CCDC148: variants seen among roughly 807,000 people sequenced by gnomAD.
The protein encoded by CCDC148 is coiled-coil domain containing 148.
Under a neutral mutation model 85.7 loss-of-function variants are expected in CCDC148, and 89 were observed. The ratio of observed to expected loss-of-function variants is 1.04; its 90% confidence interval spans 0.87 to 1.24. The LOEUF is 1.24. Among genes scored for constraint, CCDC148 ranks in the 50% most tolerant of loss-of-function variants. The pLI is 0.00. For synonymous variants in CCDC148, 230 were observed against 213.9 expected, an observed-to-expected ratio of 1.08 and a Z score of -0.66; for missense variants, 692 against 671.7, an observed-to-expected ratio of 1.03 and a Z score of -0.33.
Position 158,249,714 on chromosome 2 carries a change from T to C in CCDC148, c.1251+1058A>G, listed in dbSNP as rs560798291. ...AATAAAATGTGGAAAAACTGGCTTA[T>C]AGCTTTAAAATACATAGTTCCTTTA... On this transcript the variant is annotated intron_variant, in intron 10 of 13. Transcript: ENST00000283233. Among the ~76,000 whole-genome samples the C allele has an allele frequency of 2.6e-3, 397 of 152,236 alleles. 5 individuals are homozygous for C. Among genetic ancestry groups the C allele is most frequent in the Non-Finnish European group, 1.4e-3 (98 of 68,000 alleles).
intron 1 of CCDC148, among the ~76,000 whole-genome samples, chr2:158,411,343 A>G (rs1471855097): frequency 6.6e-6 from 1 of 152,002 alleles, no homozygotes; most frequent in Non-Finnish European, 1.5e-5. Context: ...TCACTTGAAA[A>G]TGTCCCATAA....
intron 9 of CCDC148, among the ~76,000 whole-genome samples, chr2:158,301,378 A>G (rs1691434128): frequency 6.6e-6 from 1 of 152,210 alleles, no homozygotes; most frequent in Admixed American, 6.5e-5. Flanking sequence ...AAGAAGTGCA[A>G]ATTTACCACA....
intron 1 of CCDC148, among the ~76,000 whole-genome samples, chr2:158,454,019 G>A (rs1432172324): frequency 6.6e-6 from 1 of 152,148 alleles, no homozygotes; most frequent in Admixed American, 6.5e-5. Flanking sequence ...AGGTAACAGT[G>A]GTTTCATTCC....
intron 11 of CCDC148, among the ~76,000 whole-genome samples, chr2:158,186,319 G>C (rs577681885): frequency 1.3e-5 from 2 of 152,044 alleles, no homozygotes; most frequent in Admixed American, 1.3e-4. Context: ...TCATCACCTA[G>C]AACTGTTCCC....
chr2:158,362,456 T>C (rs1483242928), intron 1 of CCDC148, among the ~76,000 whole-genome samples: 1 of 150,996 alleles, frequency 6.6e-6, no homozygotes, highest in Non-Finnish European at 1.5e-5. Flanking sequence ...AAAGAATGGA[T>C]ATTATAGCAG....
rs191845294 is a variant in CCDC148, at chr2:158,347,474, C to T, written c.148-2156G>A. ...TGAAAAAAAAAAGTCTTAAAAATAA[C>T]AAAAAGATTTAAAGTTCTATCTTTA... On this transcript the variant is annotated intron_variant, in intron 2 of 13. Coordinates refer to ENST00000283233, the MANE Select transcript of CCDC148 (RefSeq NM_138803.4). 2.6e-5 allele frequency among the ~76,000 whole-genome samples: 4 copies of T among 151,580 alleles called. No individual in the cohort carries two copies. The South Asian group carries it at 6.3e-4, about 24-fold the overall frequency.
chr2:158,188,379 A>C (rs537766888), intron 11 of CCDC148, among the ~76,000 whole-genome samples: 1 of 152,118 alleles, frequency 6.6e-6, no homozygotes, highest in African/African-American at 2.4e-5. Context: ...TTAGCTATAA[A>C]CCACTTTATA....
Position 158,340,256 on chromosome 2 carries a change from T to A in CCDC148, c.472A>T (p.Lys158Ter). The A allele has an allele frequency of 3.7e-6, 6 of 1,613,850 alleles. No homozygotes were observed. Among genetic ancestry groups the A allele is most frequent in the Non-Finnish European group, 4.2e-6 (5 of 1,179,906 alleles). ...SHPHIEFNSM[K>*]VLEEVDFVKK... is the part of the protein sequence containing the mutation. ...AACATACTAACCTCTTCCAATACTT[T>A]CATGGAGTTAAACTCAATATGTGGG... Residue 158 changes from lysine (K) to a stop codon, truncating the protein, a stop_gained, in exon 5 of 14, where the codon AAA becomes TAA. Transcript: ENST00000283233. LOFTEE classifies it high-confidence loss of function.
chr2:158,350,104 T>C (rs1205255536), intron 2 of CCDC148, among the ~76,000 whole-genome samples: 1 of 152,180 alleles, frequency 6.6e-6, no homozygotes, highest in Non-Finnish European at 1.5e-5. Context: ...CAGTTGAACG[T>C]GAGCATCTGT....
At chr2:158,368,995 T>C (rs1208053729) in intron 1 of CCDC148, among the ~76,000 whole-genome samples, 1 of 152,080 alleles carries the variant, frequency 6.6e-6, no homozygotes, top group Non-Finnish European at 1.5e-5. Context: ...GTTAAGGTTG[T>C]ACTACATATG....
intron 2 of CCDC148, among the ~76,000 whole-genome samples, chr2:158,352,062 A>T (rs201368736): frequency 2.1e-5 from 3 of 142,422 alleles, no homozygotes; most frequent in Non-Finnish European, 4.6e-5. Flanking sequence ...CATCCACACC[A>T]AAAACCCATC....
intron 9 of CCDC148, among the ~76,000 whole-genome samples, chr2:158,263,934 T>C (rs1689345089): frequency 6.6e-6 from 1 of 151,760 alleles, no homozygotes; most frequent in East Asian, 1.9e-4. Context: ...AAAAAAGCAT[T>C]GGTAAACTAT....
At chr2:158,223,547 T>C (rs1189096221) in intron 10 of CCDC148, among the ~76,000 whole-genome samples, 1 of 152,112 alleles carries the variant, frequency 6.6e-6, no homozygotes, top group Non-Finnish European at 1.5e-5. Flanking sequence ...GACCCCCCTG[T>C]AGCCTAACTG....
chr2:158,403,636 G>C (rs1468457972), intron 1 of CCDC148, among the ~76,000 whole-genome samples: 2 of 151,768 alleles, frequency 1.3e-5, no homozygotes, highest in African/African-American at 4.8e-5. Flanking sequence ...TTGGCATTTA[G>C]TACAAAATTT....
intron 1 of CCDC148, among the ~76,000 whole-genome samples, chr2:158,448,955 G>A (rs186691570): frequency 2.0e-5 from 3 of 152,104 alleles, no homozygotes; most frequent in Non-Finnish European, 4.4e-5. Context: ...AGCCTCCTGA[G>A]TAGCTGGGAT....
At chr2:158,210,404 G>A (rs1055927451) in intron 11 of CCDC148, among the ~76,000 whole-genome samples, 3 of 152,048 alleles carry the variant, frequency 2.0e-5, no homozygotes, top group Non-Finnish European at 4.4e-5. Context: ...ACAGAACAAT[G>A]AGACAGAAAA....
In CCDC148 at chr2:158,443,510, A is replaced by AG. The variant is rs1553524445; in HGVS notation, c.25+12904_25+12905insC. Among the ~76,000 whole-genome samples, 4 of 14,142 alleles carry AG rather than the reference A, an allele frequency of 2.8e-4. No homozygotes were observed. The East Asian group carries it at 9.1e-3, about 32-fold the overall frequency. The allele number at this position is 14,142 out of a possible 152,430, so 9.3% of individuals were successfully genotyped here. On this transcript the variant is annotated intron_variant, in intron 1 of 13. Coordinates refer to ENST00000283233, the MANE Select transcript of CCDC148 (RefSeq NM_138803.4). The stretch of plus-strand genomic sequence containing the variant: ...CAGAGCAAGTCTATCTCAAAAAAAA[A>AG]AAAAAAAAAAAAAGAAAAGGAAAAA...
At chr2:158,347,245 T>C (rs1419710350) in intron 2 of CCDC148, among the ~76,000 whole-genome samples, 2 of 152,114 alleles carry the variant, frequency 1.3e-5, no homozygotes, top group African/African-American at 2.4e-5. Context: ...TTAAAATACA[T>C]TGGTGAAAGA....
intron 1 of CCDC148, among the ~76,000 whole-genome samples, chr2:158,396,286 C>T (rs1048489651): frequency 6.6e-6 from 1 of 152,106 alleles, no homozygotes; most frequent in Admixed American, 6.6e-5. Context: ...GTTTATTTCT[C>T]TATGAGAACA....
Sources: allele counts gnomAD v4.1 joint callset (sites outside exome capture counted in the v4.1 genomes callset), GRCh38; gene constraint gnomAD v4.1.1; transcripts MANE v1.5; gene names NCBI Gene and HGNC (gene_info 2026-07-23, HGNC 2026-07-21).